The following GPBP1L1 variants were observed in gnomAD, a reference collection of about 807,000 sequenced individuals.
GPBP1L1 encodes GC-rich promoter binding protein 1 like 1.
Under a neutral mutation model 52.5 loss-of-function variants are expected in GPBP1L1, and 23 were observed. That is an observed-to-expected ratio of 0.44 (90% CI 0.32 to 0.62). The LOEUF is 0.62. Ranked by LOEUF, GPBP1L1 falls within the 20% of genes least tolerant of loss-of-function variation. GPBP1L1 has a pLI of 0.06. For synonymous variants in GPBP1L1, 243 were observed against 203.1 expected, an observed-to-expected ratio of 1.20 and a Z score of -1.67; for missense variants, 596 against 579.3, an observed-to-expected ratio of 1.03 and a Z score of -0.30.
At chr1:45,647,881 T>C (rs1475601246) in intron 6 of GPBP1L1, among the ~76,000 whole-genome samples, 1 of 152,148 alleles carries the variant, frequency 6.6e-6, no homozygotes, top group Non-Finnish European at 1.5e-5. Flanking sequence ...TTGGACACAC[T>C]GTCTTAGCCC....
At chr1:45,669,310 C>T (rs1214813457) in intron 2 of GPBP1L1, among the ~76,000 whole-genome samples, 4 of 152,168 alleles carry the variant, frequency 2.6e-5, no homozygotes, top group African/African-American at 7.2e-5. Context: ...AGACAATAGG[C>T]GCATGCCACC....
chr1:45,630,053 C>A (rs914534307), intron 11 of GPBP1L1, among the ~76,000 whole-genome samples: 2 of 151,952 alleles, frequency 1.3e-5, no homozygotes, highest in African/African-American at 4.8e-5. Flanking sequence ...CGGGTTCAAG[C>A]CATTCTCCCG....
Position 45,629,567 on chromosome 1 carries a change from A to T in GPBP1L1, c.1272+9T>A. ...TAACTGGTCTCTAGGAAGAAGGTTT[A>T]CAACATACCTGCTCTGTCTTCATGT... On this transcript the variant is annotated intron_variant, in intron 12 of 12. Transcript: ENST00000355105. The T allele has an allele frequency of 6.5e-7, 1 of 1,533,348 alleles. No homozygotes were observed. Among genetic ancestry groups the T allele is most frequent in the Non-Finnish European group, 9.0e-7 (1 of 1,114,754 alleles). 95.0% of individuals were successfully genotyped at this position (1,533,348 alleles called of 1,614,324 possible).
chr1:45,641,241 C>T (rs1195288813), intron 7 of GPBP1L1, among the ~76,000 whole-genome samples: 1 of 152,066 alleles, frequency 6.6e-6, no homozygotes, highest in Non-Finnish European at 1.5e-5. Context: ...TTAAAGACTT[C>T]CCATGTTCTT....
At chr1:45,638,484 T>TGAGAGTTTGCAAACTC (rs1438328920) in intron 8 of GPBP1L1, among the ~76,000 whole-genome samples, 4 of 152,228 alleles carry the variant, frequency 2.6e-5, no homozygotes, top group Admixed American at 6.5e-5. Flanking sequence ...CACCCACTTG[T>TGAGAGTTTGCAAACTC]ATTTCTGTGA....
chr1:45,628,158 T>C lies in GPBP1L1; in HGVS notation c.*98A>G. On this transcript the variant is annotated 3_prime_UTR_variant, in exon 13 of 13. Transcript: ENST00000355105. ...GATTATTTCCCTTGTGAATGAAGTA[T>C]TCAACAACATAAGAAAAGGAAAAGA... The C allele has an allele frequency of 8.7e-7, 1 of 1,145,564 alleles. No homozygotes were observed. Among genetic ancestry groups the C allele is most frequent in the Non-Finnish European group, 1.3e-6 (1 of 791,258 alleles). 71.0% of individuals were successfully genotyped at this position (1,145,564 alleles called of 1,614,324 possible).
intron 2 of GPBP1L1, among the ~76,000 whole-genome samples, chr1:45,676,849 A>T (rs1206591254): frequency 1.3e-5 from 2 of 151,974 alleles, no homozygotes; most frequent in African/African-American, 2.4e-5. Context: ...ACTGCACTCC[A>T]GCCTGGGTGA....
chr1:45,651,150 G>A (rs926800690), intron 6 of GPBP1L1: 15 of 496,804 alleles, frequency 3.0e-5, no homozygotes, highest in Non-Finnish European at 6.0e-5. Flanking sequence ...ATCTGTCATT[G>A]TAATTGATCC....
At chr1:45,649,656 A>ACTGGTAATT (rs1343775904) in intron 6 of GPBP1L1, among the ~76,000 whole-genome samples, 4 of 152,174 alleles carry the variant, frequency 2.6e-5, no homozygotes, top group African/African-American at 9.7e-5. Context: ...CTGTTTCACT[A>ACTGGTAATT]CTGGTAATTT....
intron 2 of GPBP1L1, among the ~76,000 whole-genome samples, chr1:45,663,222 T>A (rs1239885137): frequency 6.6e-6 from 1 of 152,198 alleles, no homozygotes; most frequent in Non-Finnish European, 1.5e-5. Flanking sequence ...CTTTTTATCT[T>A]ACGAATTCTA....
Position 45,650,076 on chromosome 1 carries a change from C to T in GPBP1L1, c.477+4467G>A, listed in dbSNP as rs745975725. Among the ~76,000 whole-genome samples the T allele has an allele frequency of 3.3e-5, 5 of 152,096 alleles. No homozygotes were observed. The South Asian group carries it at 6.2e-4, about 19-fold the overall frequency. ...GATAAGAGTAAACATATTAATATTG[C>T]TCCCAATATTAAAGGGAGCTCTGCT... On this transcript the variant is annotated intron_variant, in intron 6 of 12. Coordinates refer to ENST00000355105, the MANE Select transcript of GPBP1L1 (RefSeq NM_021639.5).
At chr1:45,683,201 G>A (rs1213374353) in intron 2 of GPBP1L1, among the ~76,000 whole-genome samples, 3 of 135,852 alleles carry the variant, frequency 2.2e-5, no homozygotes, top group Admixed American at 7.6e-5. Context: ...TTGAATATAG[G>A]CCTTTTTTTT....
Position 45,627,465 on chromosome 1 carries a change from A to G in GPBP1L1, c.*791T>C, listed in dbSNP as rs1044800098. Reference sequence around the variant, plus strand: ...AATCCACTCATCTAATTTTAAAGAAAATATACTTCTTACACAAGACAATCC... The same window carrying G: ...AATCCACTCATCTAATTTTAAAGAAGATATACTTCTTACACAAGACAATCC... On this transcript the variant is annotated 3_prime_UTR_variant, in exon 13 of 13. Coordinates refer to ENST00000355105, the MANE Select transcript of GPBP1L1 (RefSeq NM_021639.5). The G allele has an allele frequency of 2.0e-5, 3 of 152,658 alleles. No individual in the cohort carries two copies. Among genetic ancestry groups the G allele is most frequent in the African/African-American group, 7.2e-5 (3 of 41,466 alleles). 9.5% of individuals were successfully genotyped at this position (152,658 alleles called of 1,614,324 possible).
intron 9 of GPBP1L1, 135 bp from the exon 10 acceptor site, chr1:45,633,782 A>C (rs1644560979): frequency 1.0e-6 from 1 of 979,058 alleles, no homozygotes; most frequent in East Asian, 2.6e-5. Context: ...CCTTTTATTT[A>C]AGCAGTTCAA....
At chr1:45,636,673 T>C (rs1019428681) in intron 8 of GPBP1L1, among the ~76,000 whole-genome samples, 2 of 152,196 alleles carry the variant, frequency 1.3e-5, no homozygotes, top group Non-Finnish European at 2.9e-5. Flanking sequence ...ACTGGGTAAT[T>C]AGGATGTTTC....
At chr1:45,653,586 C>G (rs1644845954) in intron 6 of GPBP1L1, among the ~76,000 whole-genome samples, 1 of 152,122 alleles carries the variant, frequency 6.6e-6, no homozygotes, top group African/African-American at 2.4e-5. Flanking sequence ...TCTCAAACTC[C>G]TGGCATCAAG....
intron 8 of GPBP1L1, among the ~76,000 whole-genome samples, chr1:45,638,175 G>A (rs192440509): frequency 2.0e-5 from 3 of 152,170 alleles, no homozygotes; most frequent in Non-Finnish European, 4.4e-5. Context: ...TTTCTTCTTG[G>A]CCCATAATCC....
chr1:45,666,366 G>C (rs909188515), intron 2 of GPBP1L1, among the ~76,000 whole-genome samples: 3 of 152,044 alleles, frequency 2.0e-5, no homozygotes, highest in African/African-American at 7.3e-5. Flanking sequence ...GGTTAGTCTT[G>C]AACTCCTGAC....
At chr1:45,661,338 C>A (rs1435763703) in intron 2 of GPBP1L1, 113 bp from the exon 3 acceptor site, 2 of 152,086 alleles carry the variant, frequency 1.3e-5, no homozygotes, top group South Asian at 2.1e-4. Context: ...TCCTGAGAGT[C>A]AAAACTCTTA....
Sources: allele counts gnomAD v4.1 joint callset (sites outside exome capture counted in the v4.1 genomes callset), GRCh38; gene constraint gnomAD v4.1.1; transcripts MANE v1.5; gene names NCBI Gene and HGNC (gene_info 2026-07-23, HGNC 2026-07-21).